FHIT: variants seen among roughly 807,000 people sequenced by gnomAD.
FHIT encodes the protein fragile histidine triad diadenosine triphosphatase, also known as bis(5'-adenosyl)-triphosphatase.
A neutral mutation model predicts 17.9 loss-of-function variants in FHIT; 19 were observed. That is an observed-to-expected ratio of 1.06 (90% CI 0.74 to 1.56). The LOEUF is 1.56. FHIT is among the 40% of genes most tolerant of loss of function. The pLI, the probability that FHIT is intolerant of heterozygous loss-of-function variation, is 0.00. For missense variants in FHIT, 248 were observed against 189.2 expected (o/e 1.31, Z -1.82); for synonymous variants, 81 against 69.7 (o/e 1.16, Z -0.81).
At chr3:60,912,072 CGT>C in intron 3 of FHIT, among the ~76,000 whole-genome samples, 2 of 148,132 alleles carry the variant, frequency 1.4e-5, no homozygotes, top group Non-Finnish European at 3.0e-5. Context: ...CACACACACA[CGT>C]ACACACACAT....
At chr3:60,628,868 G>A (rs1181462569) in intron 4 of FHIT, among the ~76,000 whole-genome samples, 1 of 152,132 alleles carries the variant, frequency 6.6e-6, no homozygotes, top group Non-Finnish European at 1.5e-5. Flanking sequence ...CTCCAGAGCT[G>A]GCAGGCAGAG....
At chr3:60,232,941 C>T (rs989264274) in intron 5 of FHIT, among the ~76,000 whole-genome samples, 1 of 152,102 alleles carries the variant, frequency 6.6e-6, no homozygotes, top group African/African-American at 2.4e-5. Context: ...GATACTATGG[C>T]TATAGTTTTT....
chr3:60,101,316 T>C (rs1448916386), intron 5 of FHIT, among the ~76,000 whole-genome samples: 1 of 152,216 alleles, frequency 6.6e-6, no homozygotes, highest in Non-Finnish European at 1.5e-5. Context: ...CGGGCCACTC[T>C]CCCTCACACC....
rs76219660 is a variant in FHIT at position 60,103,779 on chromosome 3, G to A, written c.104-89627C>T. On this transcript the variant is annotated intron_variant, in intron 5 of 9. Coordinates refer to ENST00000492590, the MANE Select transcript of FHIT (RefSeq NM_002012.4). ...CTCGAAATAATCAACATACCAATTC[G>A]CATATTCTGGGATGGCATGTCCTTC... Among the ~76,000 whole-genome samples, 765 of 152,188 alleles carry A rather than the reference G, an allele frequency of 5.0e-3. 4 individuals carry two copies. The highest frequency in any genetic ancestry group is 0.016 in the African/African-American group (685 of 41,536).
intron 5 of FHIT, chr3:60,536,510 G>A (rs993546715): frequency 1.0e-5 from 2 of 195,912 alleles, no homozygotes; most frequent in African/African-American, 4.6e-5. Context: ...CAGATAAGCT[G>A]AAAACCAAGT....
chr3:60,976,129 C>T (rs1458017466), intron 3 of FHIT, among the ~76,000 whole-genome samples: 3 of 35,114 alleles, frequency 8.5e-5, no homozygotes, highest in East Asian at 1.1e-3. Context: ...TTTTTTGAGA[C>T]GGAGTTTCAC....
chr3:60,640,134 A>C (rs1480138759), intron 4 of FHIT, among the ~76,000 whole-genome samples: 1 of 152,208 alleles, frequency 6.6e-6, no homozygotes, highest in Non-Finnish European at 1.5e-5. Flanking sequence ...TGGGAGTGAC[A>C]GAAGGAAATG....
intron 2 of FHIT, among the ~76,000 whole-genome samples, chr3:61,047,455 C>T (rs1226269816): frequency 6.6e-6 from 1 of 152,158 alleles, no homozygotes; most frequent in Non-Finnish European, 1.5e-5. Context: ...AGGAGAACTA[C>T]AAACCACTGC....
rs145211875 is a variant in FHIT at position 59,962,729 on chromosome 3, T to C, written c.280-40315A>G. 5.9e-4 allele frequency among the ~76,000 whole-genome samples: 90 copies of C among 152,352 alleles called. 1 individual carries two copies. Among genetic ancestry groups the C allele is most frequent in the Non-Finnish European group, 2.8e-4 (19 of 68,028 alleles). ...TGGAAAACAGTGAGTATTTTCTTGG[T>C]GCAATTTAAATATTAAATTCAAACT... On this transcript the variant is annotated intron_variant, in intron 7 of 9. Coordinates refer to ENST00000492590, the MANE Select transcript of FHIT (RefSeq NM_002012.4).
chr3:61,231,777 T>C (rs1216499391), intron 1 of FHIT, among the ~76,000 whole-genome samples: 1 of 152,076 alleles, frequency 6.6e-6, no homozygotes, highest in Non-Finnish European at 1.5e-5. Context: ...CAACTTCAAA[T>C]TGTAACAAGT....
intron 2 of FHIT, among the ~76,000 whole-genome samples, chr3:61,081,008 T>C (rs905118843): frequency 6.6e-6 from 1 of 152,162 alleles, no homozygotes; most frequent in African/African-American, 2.4e-5. Context: ...TGCTTCTTCA[T>C]TTCAAGGCGG....
chr3:59,928,280 T>C (rs982103691), intron 7 of FHIT, among the ~76,000 whole-genome samples: 8 of 152,356 alleles, frequency 5.3e-5, no homozygotes, highest in Admixed American at 4.6e-4. Flanking sequence ...AGATAAATTA[T>C]GGCTGCAAAT....
intron 2 of FHIT, among the ~76,000 whole-genome samples, chr3:61,064,746 C>A (rs2034543172): frequency 6.6e-6 from 1 of 152,148 alleles, no homozygotes; most frequent in South Asian, 2.1e-4. Context: ...TGAAATCCTT[C>A]ATAGGATCAT....
intron 5 of FHIT, among the ~76,000 whole-genome samples, chr3:60,117,044 A>C (rs1437956851): frequency 1.3e-5 from 2 of 152,230 alleles, no homozygotes; most frequent in Admixed American, 1.3e-4. Flanking sequence ...CAATCCTTAA[A>C]TTAGAAAGTC....
chr3:61,121,573 G>C (rs2106923507), intron 2 of FHIT, among the ~76,000 whole-genome samples: 1 of 152,236 alleles, frequency 6.6e-6, no homozygotes, highest in South Asian at 2.1e-4. Context: ...TACCTTACAA[G>C]AGCTCCTGAA....
intron 5 of FHIT, among the ~76,000 whole-genome samples, chr3:60,535,353 C>A (rs982798262): frequency 6.6e-6 from 1 of 152,110 alleles, no homozygotes; most frequent in African/African-American, 2.4e-5. Context: ...TATTTCTTTT[C>A]TAAAAGTCAG....
intron 5 of FHIT, among the ~76,000 whole-genome samples, chr3:60,410,248 G>A (rs932632887): frequency 3.9e-5 from 6 of 152,304 alleles, no homozygotes; most frequent in Non-Finnish European, 8.8e-5. Context: ...AGGAATAGAT[G>A]AGCAAGTTAT....
chr3:60,636,557 C>T (rs921710516), intron 4 of FHIT, among the ~76,000 whole-genome samples: 36 of 152,202 alleles, frequency 2.4e-4, no homozygotes, highest in African/African-American at 7.9e-4. Context: ...GAGAAAATAA[C>T]GCAAGATCAA....
intron 3 of FHIT, among the ~76,000 whole-genome samples, chr3:60,952,575 C>A (rs1553777532): frequency 6.6e-6 from 1 of 152,128 alleles, no homozygotes; most frequent in Non-Finnish European, 1.5e-5. Context: ...AAATATGCCA[C>A]TTTAGCCTAA....
Sources: allele counts gnomAD v4.1 joint callset (sites outside exome capture counted in the v4.1 genomes callset), GRCh38; gene constraint gnomAD v4.1.1; transcripts MANE v1.5; gene names NCBI Gene and HGNC (gene_info 2026-07-23, HGNC 2026-07-21).